Variants in GAS2 observed in about 807,000 individuals in gnomAD.
GAS2 encodes the protein growth arrest-specific protein 2.
Under a neutral mutation model 37.5 loss-of-function variants are expected in GAS2, and 20 were observed. The ratio of observed to expected loss-of-function variants is 0.53; its 90% CI spans 0.37 to 0.77. The LOEUF (loss-of-function observed/expected upper bound fraction) is 0.77, where lower values mean the gene tolerates loss of function less well. Ranked by LOEUF, GAS2 falls within the 30% of genes least tolerant of loss-of-function variation. The pLI is 0.00. For missense variants in GAS2, 336 were observed against 373.4 expected (o/e 0.90, Z 0.82); for synonymous variants, 144 against 132.2 (o/e 1.09, Z -0.61).
intron 3 of GAS2, among the ~76,000 whole-genome samples, chr11:22,699,550 T>A (rs1421427767): frequency 3.3e-5 from 5 of 152,154 alleles, no homozygotes; most frequent in Admixed American, 3.3e-4. Context: ...AGATACACAG[T>A]CATTTCACAG....
At chr11:22,699,983 A>G (rs538794413) in intron 3 of GAS2, among the ~76,000 whole-genome samples, 5 of 152,166 alleles carry the variant, frequency 3.3e-5, no homozygotes, top group East Asian at 1.9e-4. Flanking sequence ...CTTACCTAAG[A>G]AGGGAAAAGG....
chr11:22,654,139 C>T (rs1007054378), intron 1 of GAS2, among the ~76,000 whole-genome samples: 2 of 152,108 alleles, frequency 1.3e-5, no homozygotes, highest in African/African-American at 2.4e-5. Context: ...CTGATAGAAT[C>T]CATGAGCAAA....
In GAS2 at chr11:22,744,785, C is replaced by A. The variant is rs12221518; in HGVS notation, c.474-4335C>A. ...GCCTACTCTCTTCACTCCTATTCAA[C>A]GTGGTACTGGAAATTCTAGCCAGAG... is the stretch of plus-strand genomic sequence containing the variant. On this transcript the variant is annotated intron_variant, in intron 5 of 7. Transcript: ENST00000454584. Among the ~76,000 whole-genome samples the A allele has an allele frequency of 2.0e-3, 310 of 152,118 alleles. 9 individuals carry two copies. In the East Asian group the frequency reaches 0.05, roughly 25 times the overall value.
chr11:22,737,681 G>C, intron 4 of GAS2, 24 bp from the exon 5 acceptor site: 1 of 1,612,464 alleles, frequency 6.2e-7, no homozygotes, highest in Non-Finnish European at 8.5e-7. Context: ...TTGTAAAGGT[G>C]TTCGCCTCTG....
At chr11:22,631,443 A>G (rs986392431) in intron 1 of GAS2, among the ~76,000 whole-genome samples, 1 of 151,926 alleles carries the variant, frequency 6.6e-6, no homozygotes, top group Non-Finnish European at 1.5e-5. Context: ...TTCAACATGA[A>G]TGTTGGCTTT....
chr11:22,631,410 G>A (rs781078498), intron 1 of GAS2, among the ~76,000 whole-genome samples: 6 of 151,990 alleles, frequency 3.9e-5, no homozygotes, highest in Admixed American at 6.6e-5. Context: ...TCTTTGTCTC[G>A]TTCCAATTCT....
intron 2 of GAS2, among the ~76,000 whole-genome samples, chr11:22,682,037 T>C (rs1311717239): frequency 2.0e-5 from 3 of 152,004 alleles, no homozygotes; most frequent in African/African-American, 7.2e-5. Context: ...CTTGTGTTTT[T>C]TCTTCATTTG....
At chr11:22,789,683 T>C (rs1856044814) in intron 7 of GAS2, among the ~76,000 whole-genome samples, 1 of 151,194 alleles carries the variant, frequency 6.6e-6, no homozygotes, top group Non-Finnish European at 1.5e-5. Context: ...ACCAGAATGG[T>C]CGCGATCTCC....
intron 1 of GAS2, among the ~76,000 whole-genome samples, chr11:22,657,819 C>T (rs1848872829): frequency 6.6e-6 from 1 of 152,158 alleles, no homozygotes; most frequent in African/African-American, 2.4e-5. Context: ...TCATATATTA[C>T]TTTTAATGCA....
intron 7 of GAS2, among the ~76,000 whole-genome samples, chr11:22,785,814 T>C (rs1326330926): frequency 6.6e-6 from 1 of 151,820 alleles, no homozygotes; most frequent in Non-Finnish European, 1.5e-5. Flanking sequence ...GGACAAAAAC[T>C]GTAAACATAG....
chr11:22,796,834 A>G (rs999709178), intron 7 of GAS2, among the ~76,000 whole-genome samples: 1 of 152,034 alleles, frequency 6.6e-6, no homozygotes, highest in African/African-American at 2.4e-5. Context: ...ATTCAGATTG[A>G]ATCAGGCAAA....
At chr11:22,655,294 A>G (rs2291868) in intron 1 of GAS2, among the ~76,000 whole-genome samples, 1 of 152,278 alleles carries the variant, frequency 6.6e-6, no homozygotes, top group East Asian at 1.9e-4. Context: ...TGTAGCAATT[A>G]TTTGATTCTG....
chr11:22,654,104 C>T (rs1472989381), intron 1 of GAS2, among the ~76,000 whole-genome samples: 2 of 152,200 alleles, frequency 1.3e-5, no homozygotes, highest in Non-Finnish European at 2.9e-5. Context: ...ACTAAACCCA[C>T]AATACAGTGC....
At chr11:22,781,466 T>A (rs544470384) in intron 7 of GAS2, among the ~76,000 whole-genome samples, 1 of 152,220 alleles carries the variant, frequency 6.6e-6, no homozygotes, top group African/African-American at 2.4e-5. Context: ...ACAGGTTTAA[T>A]TAAAATTTCT....
At chr11:22,735,082 CACCACATA>C (rs1852677124) in intron 4 of GAS2, among the ~76,000 whole-genome samples, 1 of 151,684 alleles carries the variant, frequency 6.6e-6, no homozygotes, top group Non-Finnish European at 1.5e-5. Context: ...CTATCACCAC[CACCACATA>C]ACCACATAAC....
chr11:22,704,642 C>G (rs1267877846), intron 3 of GAS2, among the ~76,000 whole-genome samples: 1 of 119,798 alleles, frequency 8.3e-6, no homozygotes, highest in Non-Finnish European at 1.7e-5. Flanking sequence ...ATCTCAAATT[C>G]ATGATTCTCC....
At chr11:22,748,254 A>G (rs1853521887) in intron 5 of GAS2, among the ~76,000 whole-genome samples, 1 of 151,984 alleles carries the variant, frequency 6.6e-6, no homozygotes, top group Non-Finnish European at 1.5e-5. Context: ...TTTTCTCTAG[A>G]TCTCTATTAT....
chr11:22,799,099 GC>G (rs1197384939), intron 7 of GAS2, among the ~76,000 whole-genome samples: 4 of 152,044 alleles, frequency 2.6e-5, no homozygotes, highest in African/African-American at 9.7e-5. Context: ...ATCCCAGGGG[GC>G]TGAACAGATC....
intron 7 of GAS2, among the ~76,000 whole-genome samples, chr11:22,790,672 A>G (rs1369269881): frequency 6.7e-6 from 1 of 148,488 alleles, no homozygotes; most frequent in Non-Finnish European, 1.5e-5. Context: ...CATGTTGGCC[A>G]GGCTGGTCTC....
Sources: allele counts gnomAD v4.1 joint callset (sites outside exome capture counted in the v4.1 genomes callset), GRCh38; gene constraint gnomAD v4.1.1; transcripts MANE v1.5; gene names NCBI Gene and HGNC (gene_info 2026-07-23, HGNC 2026-07-21).